Variants in CELF5 observed in about 807,000 individuals in gnomAD.
The protein encoded by CELF5 is CUG-BP and ETR-3 like factor 5.
CELF5 carries 6 observed loss-of-function variants against 54.9 expected under a neutral mutation model. The ratio of observed to expected loss-of-function variants is 0.11; its 90% CI spans 0.06 to 0.22. The LOEUF (loss-of-function observed/expected upper bound fraction) is 0.22. CELF5 is among the 10% of genes least tolerant of loss of function. The pLI, the probability that CELF5 is intolerant of heterozygous loss-of-function variation, is 1.00. For synonymous variants in CELF5, 271 were observed against 290.9 expected (o/e 0.93, Z 0.70); for missense variants, 401 against 678.6 (o/e 0.59, Z 4.54).
At chr19:3,285,022 C>T (rs1196539915) in intron 9 of CELF5, 58 bp downstream of exon 9, 5 of 1,350,140 alleles carry the variant, frequency 3.7e-6, no homozygotes, top group Middle Eastern at 2.5e-4. Context: ...CCTAGGGCCC[C>T]GCCCCCAGGG....
intron 4 of CELF5, among the ~76,000 whole-genome samples, chr19:3,276,578 A>G (rs2080056812): frequency 6.8e-6 from 1 of 146,952 alleles, no homozygotes; most frequent in African/African-American, 2.5e-5. Context: ...TGGCTGGGAG[A>G]AGCTGGTTCA....
At position 3,249,687 on chromosome 19, in the gene CELF5, C is replaced by T. The variant is rs7248669; in HGVS notation, c.260-1298C>T. The stretch of plus-strand genomic sequence containing the variant: ...CCTGATTTCTGCCACCATGCCACAC[C>T]CTCTCAAGCTCCACCCCCATCCATT... On this transcript the variant is annotated intron_variant, in intron 1 of 12. Transcript: ENST00000292672. 6.2e-3 allele frequency among the ~76,000 whole-genome samples: 943 copies of T among 152,308 alleles called. 11 individuals are homozygous for T. The highest frequency in any genetic ancestry group is 0.022 in the African/African-American group (904 of 41,558).
chr19:3,251,652 C>CTTTTTTTTTTTTTTTTTT (rs1195812856), intron 2 of CELF5, among the ~76,000 whole-genome samples: 25 of 67,106 alleles, frequency 3.7e-4, no homozygotes, highest in Admixed American at 7.5e-4. Flanking sequence ...ACAAGGGCTT[C>CTTTTTTTTTTTTTTTTTT]TTTTTTTTTT....
rs2080078854 is a variant in CELF5, at chr19:3,277,650, A to G, written c.524-381A>G. 2.0e-5 allele frequency among the ~76,000 whole-genome samples: 3 copies of G among 151,550 alleles called. No homozygotes were observed. In the South Asian group the frequency reaches 6.3e-4, roughly 32 times the overall value. On this transcript the variant is annotated intron_variant, in intron 4 of 12. Coordinates refer to ENST00000292672, the MANE Select transcript of CELF5 (RefSeq NM_021938.4). ...GCTGGCCCTTCCATAGTACTCTACC[A>G]GTCTGGAGCCAGGTGCAGTGGCCTC...
chr19:3,288,113 G>A (rs781565656), intron 10 of CELF5, among the ~76,000 whole-genome samples: 2 of 152,216 alleles, frequency 1.3e-5, no homozygotes, highest in South Asian at 4.1e-4. Flanking sequence ...GCAGCTGGAT[G>A]TGTTTTTCAG....
At chr19:3,270,342 G>A (rs747818350) in intron 2 of CELF5, among the ~76,000 whole-genome samples, 22 of 152,178 alleles carry the variant, frequency 1.4e-4, no homozygotes, top group Non-Finnish European at 2.6e-4. Flanking sequence ...GGGAGCCAGA[G>A]AAGGTGGAGG....
chr19:3,251,622 C>T (rs563794049), intron 2 of CELF5, among the ~76,000 whole-genome samples: 7 of 148,948 alleles, frequency 4.7e-5, no homozygotes, highest in Non-Finnish European at 8.9e-5. Context: ...ATGGTGCAAA[C>T]GGAGCCACAG....
chr19:3,240,009 C>CT (rs61659054), intron 1 of CELF5, among the ~76,000 whole-genome samples: 336 of 143,648 alleles, frequency 2.3e-3, no homozygotes, highest in South Asian at 3.5e-3. Context: ...CTGCAACACA[C>CT]TTTTTTTTTT....
At chr19:3,257,505 C>T (rs894242916) in intron 2 of CELF5, among the ~76,000 whole-genome samples, 5 of 151,778 alleles carry the variant, frequency 3.3e-5, no homozygotes, top group Non-Finnish European at 7.4e-5. Flanking sequence ...GACCGAGTTT[C>T]ACTCTTGTTG....
chr19:3,232,139 A>G (rs929946056), intron 1 of CELF5, among the ~76,000 whole-genome samples: 4 of 152,104 alleles, frequency 2.6e-5, no homozygotes, highest in Non-Finnish European at 4.4e-5. Flanking sequence ...TCCTGGCTCC[A>G]TTTTTAAATT....
intron 5 of CELF5, among the ~76,000 whole-genome samples, chr19:3,280,864 A>T (rs1177407178): frequency 2.0e-5 from 3 of 152,124 alleles, no homozygotes; most frequent in African/African-American, 7.2e-5. Context: ...CGGAAGTCAT[A>T]GGTGCCTCCA....
At chr19:3,240,768 C>G (rs1007002041) in intron 1 of CELF5, among the ~76,000 whole-genome samples, 1 of 152,038 alleles carries the variant, frequency 6.6e-6, no homozygotes, top group African/African-American at 2.4e-5. Flanking sequence ...CCCTGCCTTT[C>G]TCTTGGCCCG....
At chr19:3,262,058 G>A (rs572201070) in intron 2 of CELF5, among the ~76,000 whole-genome samples, 65 of 151,984 alleles carry the variant, frequency 4.3e-4, no homozygotes, top group African/African-American at 1.4e-3. Flanking sequence ...TTTTTGAGAC[G>A]GAGTCTTTCT....
intron 2 of CELF5, among the ~76,000 whole-genome samples, chr19:3,261,450 T>A (rs1175424173): frequency 6.6e-6 from 1 of 151,722 alleles, no homozygotes; most frequent in Non-Finnish European, 1.5e-5. Context: ...TGTCCAAATC[T>A]GTGAGAGAAC....
rs749865757 is a variant in CELF5 at position 3,284,881 on chromosome 19, AG to A, written c.1040-20del. 2.5e-5 allele frequency: 40 copies of A among 1,611,418 alleles called. No homozygotes were observed. The highest frequency in any genetic ancestry group is 3.1e-5 in the Non-Finnish European group (37 of 1,178,380). ...GACTTCTGCTGCTCCCGCCCCACTC[AG>A]CCCCTCTGTCTGCCCGCAGCTCAGA... On this transcript the variant is annotated intron_variant, in intron 8 of 12. Coordinates refer to ENST00000292672, the MANE Select transcript of CELF5 (RefSeq NM_021938.4).
At chr19:3,248,853 T>TCTCC (rs1555719682) in intron 1 of CELF5, among the ~76,000 whole-genome samples, 1 of 118,826 alleles carries the variant, frequency 8.4e-6, no homozygotes, top group African/African-American at 3.5e-5. Context: ...TTTCTTTCTT[T>TCTCC]CTTCCTTCCT....
chr19:3,236,972 G>C (rs1330971752), intron 1 of CELF5, among the ~76,000 whole-genome samples: 3 of 142,306 alleles, frequency 2.1e-5, no homozygotes, highest in Non-Finnish European at 3.0e-5. Flanking sequence ...CTGGACGACA[G>C]AGCAAGACTC....
Position 3,268,787 on chromosome 19 carries a change from A to G in CELF5, c.343-5085A>G, listed in dbSNP as rs312933. 0.85 allele frequency among the ~76,000 whole-genome samples: 129,568 copies of G among 151,740 alleles called. 55,871 individuals are homozygous for G. Among genetic ancestry groups the G allele is most frequent in the East Asian group, 0.99 (5,082 of 5,122 alleles). The stretch of plus-strand genomic sequence containing the variant: ...GTAATCAAGGTAATGCCTGGGCAAG[A>G]CAATGGAAGCAGATGGAGAGAGAGC... On this transcript the variant is annotated intron_variant, in intron 2 of 12. Coordinates refer to ENST00000292672, the MANE Select transcript of CELF5 (RefSeq NM_021938.4). The surrounding 1 kb of genome is among the most constrained non-coding windows in gnomAD (Gnocchi z 4.4).
At chr19:3,245,824 G>A (rs1015342696) in intron 1 of CELF5, among the ~76,000 whole-genome samples, 3 of 152,138 alleles carry the variant, frequency 2.0e-5, no homozygotes, top group African/African-American at 7.2e-5. Context: ...GTGACAAGGT[G>A]CCCAGCTTCA....
Sources: gnomAD v4.1 joint callset for allele counts (sites outside exome capture counted in the v4.1 genomes callset) on GRCh38, gnomAD v4.1.1 for gene constraint, Gnocchi (gnomAD v3.1) non-coding constraint, MANE v1.5 for transcripts, NCBI Gene and HGNC (gene_info 2026-07-23, HGNC 2026-07-21) for gene names.